Variants in TNIK observed in about 807,000 individuals in gnomAD.
The protein encoded by TNIK is TRAF2 and NCK-interacting protein kinase.
A neutral mutation model predicts 191.3 loss-of-function variants in TNIK; 49 were observed. The ratio of observed to expected loss-of-function variants is 0.26; its 90% confidence interval spans 0.20 to 0.32. The LOEUF (loss-of-function observed/expected upper bound fraction) is 0.32, where lower values mean the gene tolerates loss of function less well. Among genes scored for constraint, TNIK ranks in the 10% least tolerant of loss-of-function variants. TNIK has a pLI of 1.00. For synonymous variants in TNIK, 594 were observed against 600.9 expected (o/e 0.99, Z 0.17); for missense variants, 1,155 against 1,702.3 (o/e 0.68, Z 5.66).
chr3:171,142,658 A>G lies in TNIK; in HGVS notation c.1222-2149T>C, dbSNP rs1408628575. ...CCAGACATGCAAGTATTTGTTTTAC[A>G]GAAAAATAATACAGGAAGATGCGAG... On this transcript the variant is annotated intron_variant, in intron 12 of 32. Transcript: ENST00000436636. 2.6e-5 allele frequency among the ~76,000 whole-genome samples: 4 copies of G among 152,246 alleles called. No homozygotes were observed. The East Asian group carries it at 7.7e-4, about 29-fold the overall frequency.
chr3:171,100,667 G>T (rs1318654369), intron 22 of TNIK, among the ~76,000 whole-genome samples: 2 of 145,400 alleles, frequency 1.4e-5, no homozygotes, highest in African/African-American at 5.2e-5. Flanking sequence ...AACTGGGGAA[G>T]CAACAGGGGA....
At chr3:171,283,316 C>CT (rs1000668989) in intron 2 of TNIK, among the ~76,000 whole-genome samples, 2 of 150,278 alleles carry the variant, frequency 1.3e-5, no homozygotes, top group Non-Finnish European at 3.0e-5. Context: ...TACTCTTTTT[C>CT]TTTTTTCTTT....
chr3:171,364,190 C>T (rs1379603168), intron 2 of TNIK, among the ~76,000 whole-genome samples: 2 of 152,152 alleles, frequency 1.3e-5, no homozygotes, highest in African/African-American at 4.8e-5. Flanking sequence ...GGGAAATCTA[C>T]ATTTTAAATC....
chr3:171,392,193 CAGGAAATACT>C (rs1243834530), intron 1 of TNIK, among the ~76,000 whole-genome samples: 2 of 152,120 alleles, frequency 1.3e-5, no homozygotes, highest in Non-Finnish European at 2.9e-5. Context: ...CACAGGCACT[CAGGAAATACT>C]GGGAAATAGG....
chr3:171,371,343 T>A (rs992823641), intron 1 of TNIK, among the ~76,000 whole-genome samples: 1 of 152,152 alleles, frequency 6.6e-6, no homozygotes, highest in African/African-American at 2.4e-5. Context: ...GAAAAGCCCC[T>A]GCGTAGGTGC....
chr3:171,277,602 G>GTT (rs1749910495), intron 2 of TNIK, among the ~76,000 whole-genome samples: 1 of 152,072 alleles, frequency 6.6e-6, no homozygotes, highest in African/African-American at 2.4e-5. Context: ...ATGAATAATT[G>GTT]TTTATAGCAG....
At chr3:171,389,559 A>G (rs1232655033) in intron 1 of TNIK, among the ~76,000 whole-genome samples, 1 of 152,176 alleles carries the variant, frequency 6.6e-6, no homozygotes, top group Non-Finnish European at 1.5e-5. Context: ...ACATAATCTT[A>G]ATGGACAGAT....
chr3:171,210,391 G>A (rs529447040), intron 4 of TNIK, among the ~76,000 whole-genome samples: 7 of 152,164 alleles, frequency 4.6e-5, no homozygotes, highest in Non-Finnish European at 7.4e-5. Context: ...GGAAGGCTCC[G>A]CACAGCAGCA....
At chr3:171,193,403 A>G (rs750022173) in intron 5 of TNIK, among the ~76,000 whole-genome samples, 1 of 152,254 alleles carries the variant, frequency 6.6e-6, no homozygotes, top group Non-Finnish European at 1.5e-5. Flanking sequence ...CAAACTGGGT[A>G]GAAATGATGT....
At chr3:171,072,979 A>T (rs1719400681) in intron 28 of TNIK, among the ~76,000 whole-genome samples, 1 of 152,184 alleles carries the variant, frequency 6.6e-6, no homozygotes, top group Non-Finnish European at 1.5e-5. Context: ...CAATATTGTT[A>T]AAGTGACTAT....
chr3:171,116,585 T>G (rs1300949768), intron 18 of TNIK, among the ~76,000 whole-genome samples: 1 of 152,242 alleles, frequency 6.6e-6, no homozygotes, highest in East Asian at 1.9e-4. Flanking sequence ...TTCACTTTAC[T>G]TTGTTCTTTG....
chr3:171,067,672 C>CAAAA (rs750331814), intron 30 of TNIK, among the ~76,000 whole-genome samples: 4 of 78,696 alleles, frequency 5.1e-5, no homozygotes, highest in African/African-American at 1.8e-4. Context: ...ACTCCGTATC[C>CAAAA]AAAAAAAAAA....
At chr3:171,074,231 G>A (rs1719602189) in intron 28 of TNIK, among the ~76,000 whole-genome samples, 1 of 152,110 alleles carries the variant, frequency 6.6e-6, no homozygotes, top group Non-Finnish European at 1.5e-5. Flanking sequence ...GGATGGAGCT[G>A]TAGGCCAATC....
intron 1 of TNIK, among the ~76,000 whole-genome samples, chr3:171,440,464 A>T (rs1560077082): frequency 6.6e-6 from 1 of 152,180 alleles, no homozygotes. Context: ...GAATTCCCCA[A>T]CTTTGTGGGA....
At chr3:171,376,398 A>G (rs1360641179) in intron 1 of TNIK, among the ~76,000 whole-genome samples, 2 of 152,178 alleles carry the variant, frequency 1.3e-5, no homozygotes, top group African/African-American at 2.4e-5. Context: ...TGCTTTACAC[A>G]GTAAGATTTA....
intron 12 of TNIK, among the ~76,000 whole-genome samples, chr3:171,146,286 A>G (rs143368196): frequency 6.3e-4 from 96 of 152,312 alleles, no homozygotes; most frequent in Non-Finnish European, 1.1e-3. Context: ...TAATTGCTGT[A>G]TTAATCTCTT....
chr3:171,209,010 A>G (rs1740454076), intron 4 of TNIK, among the ~76,000 whole-genome samples: 1 of 151,688 alleles, frequency 6.6e-6, no homozygotes, highest in African/African-American at 2.4e-5. Flanking sequence ...GATTTAGGAC[A>G]TATTCCTGCC....
Position 171,126,115 on chromosome 3 carries a change from C to A in TNIK, c.1810G>T (p.Ala604Ser), listed in dbSNP as rs1728443981. Reference sequence around the variant, plus strand: ...TGCACTGACTGGGAGGCGGTCAAGGCAGGTCCCTGGGATTTTACAGCTACC... The same window carrying A: ...TGCACTGACTGGGAGGCGGTCAAGGAAGGTCCCTGGGATTTTACAGCTACC... ...HLVAVKSQGP[A>S]LTASQSVHEQ... The change falls in exon 17 of 33, where the codon GCC becomes TCC. Residue 604 changes from alanine to serine, a missense_variant. Ala to Ser is a moderately conservative substitution (Grantham distance 99). Coordinates refer to ENST00000436636, the MANE Select transcript of TNIK (RefSeq NM_015028.4). The A allele has an allele frequency of 1.9e-6, 3 of 1,569,760 alleles. No individual in the cohort carries two copies. Among genetic ancestry groups the A allele is most frequent in the South Asian group, 1.2e-5 (1 of 83,452 alleles).
chr3:171,385,345 C>T (rs1327822750), intron 1 of TNIK, among the ~76,000 whole-genome samples: 1 of 152,104 alleles, frequency 6.6e-6, no homozygotes, highest in Non-Finnish European at 1.5e-5. Context: ...AGAAGGGAGT[C>T]TCACGACTGT....
Sources: allele counts gnomAD v4.1 joint callset (sites outside exome capture counted in the v4.1 genomes callset), GRCh38; gene constraint gnomAD v4.1.1; transcripts MANE v1.5; gene names NCBI Gene and HGNC (gene_info 2026-07-23, HGNC 2026-07-21).